The following CACNG2 variants were observed in gnomAD, a reference collection of about 807,000 sequenced individuals.
CACNG2 encodes the protein voltage-dependent calcium channel gamma-2 subunit.
In CACNG2, 3 loss-of-function variants were observed where a neutral mutation model predicts 25.9. The observed-to-expected ratio is 0.12, with a 90% CI of 0.05 to 0.30. The LOEUF is 0.30. CACNG2 is among the 10% of genes least tolerant of loss of function. The pLI, the probability that CACNG2 is intolerant of heterozygous loss-of-function variation, is 1.00. For synonymous variants in CACNG2, 167 were observed against 173.3 expected (o/e 0.96, Z 0.29); for missense variants, 341 against 432.5 (o/e 0.79, Z 1.88).
At chr22:36,643,040 T>C (rs1465649987) in intron 1 of CACNG2, among the ~76,000 whole-genome samples, 2 of 144,254 alleles carry the variant, frequency 1.4e-5, no homozygotes, top group Non-Finnish European at 1.5e-5. Context: ...TCCCTCCCTT[T>C]CTTCCTTCCT....
chr22:36,684,537 GC>G (rs1217686327), intron 1 of CACNG2, among the ~76,000 whole-genome samples: 1 of 148,756 alleles, frequency 6.7e-6, no homozygotes, highest in Non-Finnish European at 1.5e-5. Context: ...GATCACTTGA[GC>G]CCAGTAGGTC....
chr22:36,661,144 C>G (rs1456753360), intron 1 of CACNG2, among the ~76,000 whole-genome samples: 1 of 152,184 alleles, frequency 6.6e-6, no homozygotes, highest in Non-Finnish European at 1.5e-5. Flanking sequence ...TGAGAGCAGG[C>G]TTGGATTCAG....
intron 1 of CACNG2, among the ~76,000 whole-genome samples, chr22:36,610,724 A>G (rs1226981363): frequency 6.6e-6 from 1 of 152,128 alleles, no homozygotes; most frequent in African/African-American, 2.4e-5. Context: ...TGGGACAAGG[A>G]AAGTTACTGA....
At chr22:36,675,999 G>A (rs1286309277) in intron 1 of CACNG2, among the ~76,000 whole-genome samples, 1 of 152,178 alleles carries the variant, frequency 6.6e-6, no homozygotes, top group East Asian at 1.9e-4. Context: ...TAGAGGGAAA[G>A]TAGATTTGTG....
At chr22:36,580,700 T>C (rs181094966) in intron 2 of CACNG2, among the ~76,000 whole-genome samples, 51 of 152,238 alleles carry the variant, frequency 3.4e-4, no homozygotes, top group African/African-American at 1.0e-3. Flanking sequence ...GTGGCCACAA[T>C]AGAGTGGATT....
chr22:36,656,402 A>G (rs1281036557), intron 1 of CACNG2, among the ~76,000 whole-genome samples: 1 of 152,148 alleles, frequency 6.6e-6, no homozygotes, highest in Non-Finnish European at 1.5e-5. Flanking sequence ...ACCATATCCA[A>G]TCAATAAGCA....
Position 36,702,808 on chromosome 22 carries a change from G to A in CACNG2, c.-232C>T. ...TCACACGGGAAGAGGCTTGCCTTTT[G>A]AGATCAGAAACTGTTCCAGTTGCAG... On this transcript the variant is annotated 5_prime_UTR_variant, in exon 1 of 4. Coordinates refer to ENST00000300105, the MANE Select transcript of CACNG2 (RefSeq NM_006078.5). 5.0e-6 allele frequency: 2 copies of A among 403,574 alleles called. No homozygotes were observed. The highest frequency in any genetic ancestry group is 8.8e-6 in the Non-Finnish European group (2 of 227,872). 25.0% of individuals were successfully genotyped at this position (403,574 alleles called of 1,614,324 possible).
At position 36,662,648 on chromosome 22, in the gene CACNG2, G is replaced by A. The variant is rs115925276; in HGVS notation, c.211+39718C>T. On this transcript the variant is annotated intron_variant, in intron 1 of 3. Transcript: ENST00000300105. Reference sequence around the variant, plus strand: ...GAAGACTTCCCTCCTAAGCACTATCGGTAGGTTCTCCTTTAGCCTGGGCTT... The same window carrying A: ...GAAGACTTCCCTCCTAAGCACTATCAGTAGGTTCTCCTTTAGCCTGGGCTT... 2.2e-3 allele frequency among the ~76,000 whole-genome samples: 339 copies of A among 152,210 alleles called. 3 individuals carry two copies. The highest frequency in any genetic ancestry group is 7.5e-3 in the African/African-American group (311 of 41,524).
chr22:36,699,978 C>T (rs988282691), intron 1 of CACNG2, among the ~76,000 whole-genome samples: 5 of 152,236 alleles, frequency 3.3e-5, no homozygotes, highest in South Asian at 4.1e-4. Context: ...AATTAAAGGC[C>T]CGGTCAAAAG....
chr22:36,572,505 C>G (rs554277856), intron 2 of CACNG2, among the ~76,000 whole-genome samples: 9 of 152,090 alleles, frequency 5.9e-5, no homozygotes, highest in Non-Finnish European at 1.2e-4. Flanking sequence ...AGTTCGAGAC[C>G]AGCATGGCCA....
chr22:36,625,770 T>C (rs1015207986), intron 1 of CACNG2, among the ~76,000 whole-genome samples: 10 of 152,226 alleles, frequency 6.6e-5, no homozygotes, highest in Non-Finnish European at 1.2e-4. Context: ...TATGTGCTTT[T>C]CTACCTCAAG....
At chr22:36,699,596 T>C (rs1221053139) in intron 1 of CACNG2, among the ~76,000 whole-genome samples, 2 of 148,444 alleles carry the variant, frequency 1.3e-5, no homozygotes, top group East Asian at 4.0e-4. Context: ...ATGTGAAATC[T>C]GTTCGCAATT....
chr22:36,686,890 C>T (rs544265504), intron 1 of CACNG2, among the ~76,000 whole-genome samples: 27 of 152,294 alleles, frequency 1.8e-4, no homozygotes, highest in East Asian at 3.9e-4. Context: ...AACAGAAACT[C>T]GAGTTTTCCT....
intron 1 of CACNG2, among the ~76,000 whole-genome samples, chr22:36,641,789 T>C (rs2145967349): frequency 6.6e-6 from 1 of 152,382 alleles, no homozygotes; most frequent in East Asian, 1.9e-4. Flanking sequence ...AGCAAATTAC[T>C]GTCAACTTGA....
At chr22:36,670,604 G>GT (rs1048884770) in intron 1 of CACNG2, among the ~76,000 whole-genome samples, 25 of 147,084 alleles carry the variant, frequency 1.7e-4, no homozygotes, top group Admixed American at 1.7e-3. Flanking sequence ...CCTGTTTTTT[G>GT]TTTTTTTGTG....
At chr22:36,695,321 T>C (rs1937323422) in intron 1 of CACNG2, among the ~76,000 whole-genome samples, 1 of 152,162 alleles carries the variant, frequency 6.6e-6, no homozygotes, top group Non-Finnish European at 1.5e-5. Context: ...TAGGTGAGTA[T>C]AAGTCACAGA....
chr22:36,621,951 G>A (rs1023650969), intron 1 of CACNG2, among the ~76,000 whole-genome samples: 2 of 152,192 alleles, frequency 1.3e-5, no homozygotes, highest in African/African-American at 2.4e-5. Context: ...TGCCAAAGAC[G>A]ACAACAATTA....
At chr22:36,624,333 C>T (rs143730285) in intron 1 of CACNG2, among the ~76,000 whole-genome samples, 43 of 152,260 alleles carry the variant, frequency 2.8e-4, no homozygotes, top group Non-Finnish European at 4.4e-4. Flanking sequence ...GCATGCCAGG[C>T]ACCCCACATC....
At chr22:36,588,937 T>C (rs1935545375) in intron 1 of CACNG2, among the ~76,000 whole-genome samples, 1 of 152,048 alleles carries the variant, frequency 6.6e-6, no homozygotes. Context: ...CAGATTCTAG[T>C]ATGTGTCATA....
Sources: gnomAD v4.1 joint callset for allele counts (sites outside exome capture counted in the v4.1 genomes callset) on GRCh38, gnomAD v4.1.1 for gene constraint, MANE v1.5 for transcripts, NCBI Gene and HGNC (gene_info 2026-07-23, HGNC 2026-07-21) for gene names.